The following VWC2L variants were observed in gnomAD, a reference collection of about 807,000 sequenced individuals.
VWC2L encodes the protein von Willebrand factor C domain-containing protein 2-like.
VWC2L carries 10 observed loss-of-function variants against 21.6 expected under a neutral mutation model. The observed-to-expected ratio is 0.46, with a 90% CI of 0.29 to 0.78. The LOEUF (loss-of-function observed/expected upper bound fraction) is 0.78, where lower values mean the gene tolerates loss of function less well. Among genes scored for constraint, VWC2L ranks in the 30% least tolerant of loss-of-function variants. The probability of loss-of-function intolerance (pLI) is 0.10; values close to 1 mark genes in which losing one functional copy is unlikely to be tolerated. For synonymous variants in VWC2L, 96 were observed against 94.3 expected (o/e 1.02, Z -0.10); for missense variants, 209 against 277.1 (o/e 0.75, Z 1.74).
chr2:214,568,436 T>G (rs1337458231), intron 3 of VWC2L, among the ~76,000 whole-genome samples: 2 of 152,196 alleles, frequency 1.3e-5, no homozygotes, highest in African/African-American at 4.8e-5. Flanking sequence ...GTTCTCACAC[T>G]GCTAATAAAG....
intron 1 of VWC2L, 68 bp from the exon 2 acceptor site, chr2:214,414,046 G>A (rs566278304): frequency 2.7e-5 from 24 of 874,798 alleles, no homozygotes; most frequent in Middle Eastern, 3.5e-4. Context: ...GTTTAAGAGC[G>A]TGGGCTTAAA....
chr2:214,434,913 AAG>A (rs1434409251), intron 2 of VWC2L, among the ~76,000 whole-genome samples: 2 of 152,188 alleles, frequency 1.3e-5, no homozygotes, highest in African/African-American at 4.8e-5. Context: ...GGGAACCAGA[AAG>A]AATAAACAAT....
At chr2:214,492,873 G>A (rs974682317) in intron 3 of VWC2L, among the ~76,000 whole-genome samples, 1 of 152,164 alleles carries the variant, frequency 6.6e-6, no homozygotes, top group Non-Finnish European at 1.5e-5. Context: ...CTTGCTCACA[G>A]TACATAAAGG....
intron 3 of VWC2L, among the ~76,000 whole-genome samples, chr2:214,464,444 T>C (rs1703187117): frequency 6.6e-6 from 1 of 152,126 alleles, no homozygotes. Context: ...GAGAATTTCC[T>C]GGATTACCAG....
chr2:214,493,815 A>C (rs552425751), intron 3 of VWC2L, among the ~76,000 whole-genome samples: 98 of 152,282 alleles, frequency 6.4e-4, no homozygotes, highest in South Asian at 1.5e-3. Flanking sequence ...GAGATGACAA[A>C]GAGGTTATTG....
At chr2:214,494,450 C>G (rs1304450032) in intron 3 of VWC2L, among the ~76,000 whole-genome samples, 1 of 152,146 alleles carries the variant, frequency 6.6e-6, no homozygotes. Flanking sequence ...AACAAGGAGA[C>G]CCTACCCTCT....
At chr2:214,443,817 T>C (rs1327943405) in intron 3 of VWC2L, among the ~76,000 whole-genome samples, 1 of 152,120 alleles carries the variant, frequency 6.6e-6, no homozygotes, top group Non-Finnish European at 1.5e-5. Flanking sequence ...GATAGATGAA[T>C]ACATACATAC....
In VWC2L at chr2:214,493,860, A is replaced by C. The variant is rs531755240; in HGVS notation, c.520+57102A>C. The stretch of plus-strand genomic sequence containing the variant: ...ATGCTGTGCAGAAAACAGATAAAGA[A>C]GCAAGCAAGTGAAGTCTATCTAAGA... On this transcript the variant is annotated intron_variant, in intron 3 of 3. Transcript: ENST00000312504. Among the ~76,000 whole-genome samples, 313 of 152,282 alleles carry C rather than the reference A, an allele frequency of 2.1e-3. 2 individuals are homozygous for C. The highest frequency in any genetic ancestry group is 3.4e-3 in the Middle Eastern group (1 of 294).
intron 3 of VWC2L, among the ~76,000 whole-genome samples, chr2:214,440,833 C>T (rs10804228): frequency 1 from 152,257 of 152,272 alleles, 76,121 homozygotes; most frequent in Non-Finnish European, 1. Context: ...GTTATCAAAA[C>T]ATTTGATCAT....
chr2:214,496,057 T>G (rs1688806904), intron 3 of VWC2L, among the ~76,000 whole-genome samples: 1 of 152,066 alleles, frequency 6.6e-6, no homozygotes, highest in Non-Finnish European at 1.5e-5. Context: ...TACTACACAC[T>G]TACGCTATAG....
intron 3 of VWC2L, 118 bp from the exon 4 acceptor site, chr2:214,575,554 T>C: frequency 1.0e-5 from 11 of 1,093,676 alleles, no homozygotes; most frequent in Non-Finnish European, 1.4e-5. Context: ...TCCTTGATGA[T>C]AAGTCAGTAG....
chr2:214,520,982 G>T (rs1689229577), intron 3 of VWC2L, among the ~76,000 whole-genome samples: 1 of 152,098 alleles, frequency 6.6e-6, no homozygotes, highest in Non-Finnish European at 1.5e-5. Context: ...CCAGCACTTT[G>T]GGAGGCTGAG....
chr2:214,540,009 C>T (rs964649289), intron 3 of VWC2L, among the ~76,000 whole-genome samples: 1 of 151,992 alleles, frequency 6.6e-6, no homozygotes, highest in South Asian at 2.1e-4. Flanking sequence ...ATTGATGAAC[C>T]TACCATATCC....
At chr2:214,488,063 A>G (rs940986086) in intron 3 of VWC2L, among the ~76,000 whole-genome samples, 4 of 152,098 alleles carry the variant, frequency 2.6e-5, no homozygotes, top group African/African-American at 9.7e-5. Flanking sequence ...TATTTTACTC[A>G]TCTTGGTCTT....
At chr2:214,479,296 T>C (rs975259705) in intron 3 of VWC2L, among the ~76,000 whole-genome samples, 6 of 152,208 alleles carry the variant, frequency 3.9e-5, no homozygotes, top group Admixed American at 1.3e-4. Context: ...AAATATCTTA[T>C]TTTTTGATAG....
intron 3 of VWC2L, among the ~76,000 whole-genome samples, chr2:214,468,255 G>T (rs912991372): frequency 1.3e-5 from 2 of 152,154 alleles, no homozygotes; most frequent in African/African-American, 4.8e-5. Context: ...GGCCTCAAGG[G>T]ATCTGCCCGC....
At chr2:214,437,679 AT>A (rs1273495418) in intron 3 of VWC2L, among the ~76,000 whole-genome samples, 2 of 152,006 alleles carry the variant, frequency 1.3e-5, no homozygotes, top group Non-Finnish European at 2.9e-5. Context: ...TTTCTCTATT[AT>A]TTTTTGCTCT....
intron 3 of VWC2L, among the ~76,000 whole-genome samples, chr2:214,521,519 T>C (rs1574613910): frequency 6.6e-6 from 1 of 152,322 alleles, no homozygotes; most frequent in South Asian, 2.1e-4. Context: ...TTTTTAATCA[T>C]AAAAAGCAAT....
chr2:214,428,255 A>G lies in VWC2L; in HGVS notation c.391-8374A>G, dbSNP rs368257492. Among the ~76,000 whole-genome samples, 5 of 152,292 alleles carry G rather than the reference A, an allele frequency of 3.3e-5. No individual in the cohort carries two copies. In the East Asian group the frequency reaches 9.6e-4, roughly 29 times the overall value. ...CAATGAGAAAATTAGAGCACTCTTA[A>G]TATTTTATTATTAGCTCCATCTTAC... is the stretch of plus-strand genomic sequence containing the variant. On this transcript the variant is annotated intron_variant, in intron 2 of 3. Transcript: ENST00000312504.
Sources: gnomAD v4.1 joint callset for allele counts (sites outside exome capture counted in the v4.1 genomes callset) on GRCh38, gnomAD v4.1.1 for gene constraint, MANE v1.5 for transcripts, NCBI Gene and HGNC (gene_info 2026-07-23, HGNC 2026-07-21) for gene names.